Variants in NEK10 observed in about 807,000 individuals in gnomAD.
The protein encoded by NEK10 is NIMA related kinase 10, also known as serine/threonine-protein kinase Nek10.
Under a neutral mutation model 159.8 loss-of-function variants are expected in NEK10, and 122 were observed. That is an observed-to-expected ratio of 0.76 (90% CI 0.66 to 0.89). NEK10 has a LOEUF of 0.89. NEK10 is among the 40% of genes least tolerant of loss of function. NEK10 has a pLI of 0.00. For missense variants in NEK10, 1,342 were observed against 1,323.1 expected (o/e 1.01, Z -0.22); for synonymous variants, 466 against 457.1 (o/e 1.02, Z -0.25).
At chr3:27,324,601 C>G (rs1331389095) in intron 5 of NEK10, among the ~76,000 whole-genome samples, 1 of 152,120 alleles carries the variant, frequency 6.6e-6, no homozygotes, top group African/African-American at 2.4e-5. Context: ...TTTCCTCCAC[C>G]ACCACCCAGG....
intron 5 of NEK10, among the ~76,000 whole-genome samples, chr3:27,337,101 T>C (rs2046857982): frequency 6.6e-6 from 1 of 151,820 alleles, no homozygotes; most frequent in African/African-American, 2.4e-5. Flanking sequence ...AAGACTCAGG[T>C]ATGAAAACTA....
rs377418338 is a variant in NEK10 at position 27,202,560 on chromosome 3, G to C, written c.2091-3C>G. On this transcript the variant is annotated splice_polypyrimidine_tract_variant and splice_region_variant and intron_variant, in intron 23 of 35. Coordinates refer to ENST00000691995, the MANE Select transcript of NEK10 (RefSeq NM_001394966.1). ...GCTCACTCTTCAGTACCTCGGGGCTGAAGTAAAATAAGGACATTAATACAT... is the reference window on the plus strand; with the variant it reads ...GCTCACTCTTCAGTACCTCGGGGCTCAAGTAAAATAAGGACATTAATACAT... The C allele has an allele frequency of 2.5e-6, 4 of 1,596,636 alleles. No homozygotes were observed. In the East Asian group the frequency reaches 9.1e-5, roughly 36 times the overall value.
chr3:27,156,942 ATATATATATATATAT>A (rs1276534638), intron 30 of NEK10, among the ~76,000 whole-genome samples: 2 of 78,018 alleles, frequency 2.6e-5, no homozygotes, highest in African/African-American at 1.0e-4. Context: ...ATATATATAT[ATATATATATATATAT>A]ATATATATAT....
At chr3:27,167,436 T>C (rs543582248) in intron 29 of NEK10, among the ~76,000 whole-genome samples, 1 of 152,312 alleles carries the variant, frequency 6.6e-6, no homozygotes, top group African/African-American at 2.4e-5. Context: ...GTTCTTAAGA[T>C]GGTCGTAAAA....
chr3:27,313,565 G>A (rs1422640467), intron 7 of NEK10, among the ~76,000 whole-genome samples: 1 of 152,092 alleles, frequency 6.6e-6, no homozygotes, highest in Non-Finnish European at 1.5e-5. Flanking sequence ...GGCTGAAGCA[G>A]GAGGATTGCT....
Position 27,291,409 on chromosome 3 carries a change from G to A in NEK10, c.1477-19C>T. On this transcript the variant is annotated intron_variant, in intron 17 of 35. Coordinates refer to ENST00000691995, the MANE Select transcript of NEK10 (RefSeq NM_001394966.1). ...CATCCTCCTAATCAAAATATAAAAA[G>A]GAAATGGGTTTCTGTGATAAATTAC... 1 of 1,609,802 alleles carries A rather than the reference G, an allele frequency of 6.2e-7. No individual in the cohort carries two copies. The highest frequency in any genetic ancestry group is 2.2e-5 in the East Asian group (1 of 44,852).
At chr3:27,120,410 A>C (rs1575380830) in intron 32 of NEK10, among the ~76,000 whole-genome samples, 2 of 148,440 alleles carry the variant, frequency 1.3e-5, no homozygotes, top group Non-Finnish European at 1.5e-5. Flanking sequence ...TGCAACTTCC[A>C]CCTCCATGCT....
chr3:27,303,975 T>C (rs2044036393), intron 12 of NEK10, among the ~76,000 whole-genome samples: 1 of 152,206 alleles, frequency 6.6e-6, no homozygotes, highest in Non-Finnish European at 1.5e-5. Context: ...TATTAGGTAA[T>C]AGAATCTTCC....
chr3:27,347,234 G>A (rs1201077496), intron 3 of NEK10, among the ~76,000 whole-genome samples: 6 of 152,054 alleles, frequency 3.9e-5, no homozygotes, highest in Non-Finnish European at 8.8e-5. Flanking sequence ...ATCATTTTCA[G>A]CCAGGCGTAG....
intron 23 of NEK10, among the ~76,000 whole-genome samples, chr3:27,240,237 A>G (rs1954395506): frequency 6.6e-6 from 1 of 152,170 alleles, no homozygotes; most frequent in South Asian, 2.1e-4. Context: ...TACAAATTAA[A>G]TTCAGATCCA....
At chr3:27,193,808 G>C (rs2148990296) in intron 25 of NEK10, among the ~76,000 whole-genome samples, 1 of 151,786 alleles carries the variant, frequency 6.6e-6, no homozygotes, top group South Asian at 2.1e-4. Context: ...TAAAACTATT[G>C]TAATTATTTT....
At chr3:27,259,331 C>G (rs1447479580) in intron 22 of NEK10, among the ~76,000 whole-genome samples, 3 of 152,164 alleles carry the variant, frequency 2.0e-5, no homozygotes, top group Non-Finnish European at 4.4e-5. Flanking sequence ...AGGTATTCTT[C>G]TAGGGTTTTT....
intron 35 of NEK10, among the ~76,000 whole-genome samples, chr3:27,113,508 A>T (rs1939922595): frequency 6.6e-6 from 1 of 151,508 alleles, no homozygotes; most frequent in Non-Finnish European, 1.5e-5. Context: ...AATGTGATTC[A>T]TTTTAATTTG....
intron 1 of NEK10, among the ~76,000 whole-genome samples, chr3:27,356,878 G>A (rs952529667): frequency 6.6e-6 from 1 of 152,172 alleles, no homozygotes; most frequent in African/African-American, 2.4e-5. Flanking sequence ...GGCAGGGACT[G>A]TGTCTGTTTC....
chr3:27,167,498 C>T (rs1230116838), intron 29 of NEK10, among the ~76,000 whole-genome samples: 2 of 152,142 alleles, frequency 1.3e-5, no homozygotes, highest in African/African-American at 4.8e-5. Flanking sequence ...GAGGCTGAAG[C>T]CCCAGTGAGC....
At chr3:27,128,276 C>A (rs551632772) in intron 32 of NEK10, among the ~76,000 whole-genome samples, 1 of 152,266 alleles carries the variant, frequency 6.6e-6, no homozygotes, top group Non-Finnish European at 1.5e-5. Flanking sequence ...TAATCTACAG[C>A]CTTAATCAGA....
chr3:27,131,236 C>A (rs1575432085), intron 32 of NEK10, among the ~76,000 whole-genome samples: 1 of 152,090 alleles, frequency 6.6e-6, no homozygotes, highest in Non-Finnish European at 1.5e-5. Flanking sequence ...GTACCTTGGG[C>A]CTTTCAGGGG....
chr3:27,292,902 C>T (rs904829076), intron 16 of NEK10, among the ~76,000 whole-genome samples: 2 of 152,144 alleles, frequency 1.3e-5, no homozygotes, highest in Non-Finnish European at 2.9e-5. Context: ...AAAAGTGACG[C>T]TCCATGCTTT....
At chr3:27,217,061 T>G (rs1033736638) in intron 23 of NEK10, among the ~76,000 whole-genome samples, 7 of 152,094 alleles carry the variant, frequency 4.6e-5, no homozygotes, top group African/African-American at 1.7e-4. Flanking sequence ...ATAAAAAAAT[T>G]TTACTGACAG....
Sources: allele counts gnomAD v4.1 joint callset (sites outside exome capture counted in the v4.1 genomes callset), GRCh38; gene constraint gnomAD v4.1.1; transcripts MANE v1.5; gene names NCBI Gene and HGNC (gene_info 2026-07-23, HGNC 2026-07-21).